The following CCDC144A variants were observed in gnomAD, a reference collection of about 807,000 sequenced individuals.
CCDC144A encodes the protein coiled-coil domain containing 144A.
CCDC144A carries 41 observed loss-of-function variants against 143.8 expected under a neutral mutation model. That is an observed-to-expected ratio of 0.29 (90% CI 0.22 to 0.37). CCDC144A has a LOEUF of 0.37. CCDC144A is among the 10% of genes least tolerant of loss of function. CCDC144A has a pLI of 1.00. For synonymous variants in CCDC144A, 242 were observed against 517.9 expected (o/e 0.47, Z 7.23); for missense variants, 637 against 1,488.8 (o/e 0.43, Z 9.41).
rs1308937838 is a variant in CCDC144A, at chr17:16,776,741, A to C, written c.*3108A>C. On this transcript the variant is annotated 3_prime_UTR_variant, in exon 17 of 17. Transcript: ENST00000399273. Reference sequence around the variant, plus strand: ...GGTGAGAATTTCTAATACTGTGTTGAATAGGAGTGGTGAGAGAGGGCATCT... The same window carrying C: ...GGTGAGAATTTCTAATACTGTGTTGCATAGGAGTGGTGAGAGAGGGCATCT... 13 of 151,984 alleles carry C rather than the reference A, an allele frequency of 8.6e-5. No homozygotes were observed. Among genetic ancestry groups the C allele is most frequent in the East Asian group, 7.8e-4 (4 of 5,126 alleles). 9.4% of individuals were successfully genotyped at this position (151,984 alleles called of 1,614,324 possible). A position where few individuals can be genotyped will look rare whatever the true frequency, so the allele number is the denominator to read the frequency against.
rs980415287 is a variant in CCDC144A, at chr17:16,746,387, T to C, written c.3372+10744T>C. The C allele has an allele frequency of 1.2e-5, 17 of 1,460,252 alleles. No homozygotes were observed. In the African/African-American group the frequency reaches 2.4e-4, roughly 21 times the overall value. The allele number at this position is 1,460,252 out of a possible 1,614,324, so 90.5% of individuals were successfully genotyped here. ...CTTCTCTTCTCGAATTCTCTGCTTT[T>C]CTAATTTTCTATTTTTAATATATTC... On this transcript the variant is annotated intron_variant, in intron 12 of 16. Coordinates refer to ENST00000399273, the MANE Select transcript of CCDC144A (RefSeq NM_001382000.1).
In CCDC144A at chr17:16,729,963, C is replaced by CATATATATAT. The variant is rs59756018; in HGVS notation, c.2106-1817_2106-1808dup. ...CATATTGTACCTCAGTAGGTAGTTT[C>CATATATATAT]ATATATATATATATATATATATATA... On this transcript the variant is annotated intron_variant, in intron 9 of 16. Coordinates refer to ENST00000399273, the MANE Select transcript of CCDC144A (RefSeq NM_001382000.1). 4.5e-3 allele frequency among the ~76,000 whole-genome samples: 427 copies of CATATATATAT among 94,024 alleles called. 9 individuals carry two copies. Among genetic ancestry groups the CATATATATAT allele is most frequent in the South Asian group, 0.027 (72 of 2,628 alleles). 61.7% of individuals were successfully genotyped at this position (94,024 alleles called of 152,430 possible).
intron 12 of CCDC144A, among the ~76,000 whole-genome samples, chr17:16,738,728 A>G (rs1914132736): frequency 6.6e-6 from 1 of 152,064 alleles, no homozygotes; most frequent in South Asian, 2.1e-4. Flanking sequence ...TGTTTTGGCT[A>G]TTATTAATCA....
chr17:16,743,491 C>A (rs1012773318), intron 12 of CCDC144A, among the ~76,000 whole-genome samples: 2 of 151,868 alleles, frequency 1.3e-5, no homozygotes, highest in African/African-American at 4.8e-5. Context: ...GTTACTGTAA[C>A]CTTGTAATAT....
At chr17:16,771,868 A>G (rs1457746044) in intron 15 of CCDC144A, 109 bp from the exon 16 acceptor site, 2 of 817,230 alleles carry the variant, frequency 2.4e-6, no homozygotes, top group Admixed American at 6.0e-5. Flanking sequence ...TCTTCAAGTT[A>G]GGTCTAGTCT....
chr17:16,740,748 T>G (rs556416257), intron 12 of CCDC144A, among the ~76,000 whole-genome samples: 1 of 152,382 alleles, frequency 6.6e-6, no homozygotes, highest in African/African-American at 2.4e-5. Flanking sequence ...CTAGATTGAT[T>G]AATAAATATC....
chr17:16,777,098 G>A lies in CCDC144A; in HGVS notation c.*3465G>A, dbSNP rs1916026123. On this transcript the variant is annotated 3_prime_UTR_variant, in exon 17 of 17. Coordinates refer to ENST00000399273, the MANE Select transcript of CCDC144A (RefSeq NM_001382000.1). ...CAAAACGGACTTTAAGACAACAGCA[G>A]TTTTAAAAAGACAAAGAGGGACATT... 1 of 139,896 alleles carries A rather than the reference G, an allele frequency of 7.1e-6. No homozygotes were observed. The highest frequency in any genetic ancestry group is 2.5e-4 in the South Asian group (1 of 4,028). The allele number at this position is 139,896 out of a possible 1,614,324, so 8.7% of individuals were successfully genotyped here.
At chr17:16,720,454 T>G (rs2143179640) in intron 7 of CCDC144A, 63 bp from the exon 8 acceptor site, 1 of 1,554,656 alleles carries the variant, frequency 6.4e-7, no homozygotes, top group African/African-American at 1.4e-5. Context: ...ACCGCTTCTG[T>G]ACCTTTAGTA....
rs1446737289 is a variant in CCDC144A, at chr17:16,775,191, A to G, written c.*1558A>G. Reference sequence around the variant, plus strand: ...TGAACATACGTGTGCGTGTATCTTTATACTAGAATTAGTTATATTCCTTTG... The same window carrying G: ...TGAACATACGTGTGCGTGTATCTTTGTACTAGAATTAGTTATATTCCTTTG... On this transcript the variant is annotated 3_prime_UTR_variant, in exon 17 of 17. Coordinates refer to ENST00000399273, the MANE Select transcript of CCDC144A (RefSeq NM_001382000.1). 6.6e-6 allele frequency: 1 copy of G among 152,262 alleles called. No individual in the cohort carries two copies. Among genetic ancestry groups the G allele is most frequent in the African/African-American group, 2.4e-5 (1 of 41,462 alleles). The allele number at this position is 152,262 out of a possible 1,614,324, so 9.4% of individuals were successfully genotyped here.
chr17:16,742,687 CT>C (rs1316169712), intron 12 of CCDC144A, among the ~76,000 whole-genome samples: 1 of 152,106 alleles, frequency 6.6e-6, no homozygotes, highest in East Asian at 1.9e-4. Context: ...TTTTCTTTTT[CT>C]CTCCAACCTC....
At chr17:16,703,733 G>T (rs2143089069) in intron 2 of CCDC144A, among the ~76,000 whole-genome samples, 1 of 152,242 alleles carries the variant, frequency 6.6e-6, no homozygotes, top group Non-Finnish European at 1.5e-5. Context: ...AACCCGGCAG[G>T]TGGAGCTTGC....
intron 12 of CCDC144A, among the ~76,000 whole-genome samples, chr17:16,753,438 T>TGTTGTTG (rs1555535618): frequency 0.048 from 5,814 of 120,302 alleles, 419 homozygotes; most frequent in African/African-American, 0.22. Flanking sequence ...GTTTTTTTTT[T>TGTTGTTG]TTTTTTTTTT....
chr17:16,733,371 C>T (rs1913838699), intron 11 of CCDC144A, among the ~76,000 whole-genome samples: 3 of 146,986 alleles, frequency 2.0e-5, no homozygotes, highest in Middle Eastern at 3.4e-3. Context: ...GGCGTGGTGG[C>T]GGGAACCTGT....
intron 12 of CCDC144A, among the ~76,000 whole-genome samples, chr17:16,748,073 A>G (rs909148553): frequency 1.3e-5 from 2 of 152,082 alleles, no homozygotes; most frequent in African/African-American, 4.8e-5. Flanking sequence ...TATAGAGACA[A>G]GGTCTCACTG....
At chr17:16,766,480 AC>A (rs1356152699) in intron 15 of CCDC144A, 2 of 152,396 alleles carry the variant, frequency 1.3e-5, no homozygotes, top group African/African-American at 4.8e-5. Context: ...TGTAGCTCAA[AC>A]CTATAATCCC....
At chr17:16,716,292 T>C (rs1158311502) in intron 6 of CCDC144A, among the ~76,000 whole-genome samples, 1 of 152,258 alleles carries the variant, frequency 6.6e-6, no homozygotes, top group African/African-American at 2.4e-5. Context: ...CAGAGACTTC[T>C]GCTAAACTCC....
At chr17:16,766,875 A>G (rs1915620540) in intron 15 of CCDC144A, among the ~76,000 whole-genome samples, 1 of 152,142 alleles carries the variant, frequency 6.6e-6, no homozygotes, top group Non-Finnish European at 1.5e-5. Context: ...CTAGATAAGT[A>G]GAAAATTTGT....
At chr17:16,760,375 A>G (rs1915306871) in intron 12 of CCDC144A, among the ~76,000 whole-genome samples, 1 of 145,646 alleles carries the variant, frequency 6.9e-6, no homozygotes, top group Admixed American at 6.7e-5. Context: ...ACTCAGCACC[A>G]TTGAAATTTC....
chr17:16,716,623 C>A (rs1362124183), intron 6 of CCDC144A, among the ~76,000 whole-genome samples: 4 of 152,048 alleles, frequency 2.6e-5, no homozygotes, highest in Non-Finnish European at 4.4e-5. Context: ...GGAATTTTAA[C>A]ACTAAGATTT....
Sources: allele counts gnomAD v4.1 joint callset (sites outside exome capture counted in the v4.1 genomes callset), GRCh38; gene constraint gnomAD v4.1.1; transcripts MANE v1.5; gene names NCBI Gene and HGNC (gene_info 2026-07-23, HGNC 2026-07-21).